The following FAM222B variants were observed in gnomAD, a reference collection of about 807,000 sequenced individuals.
The protein encoded by FAM222B is family with sequence similarity 222 member B.
In FAM222B, 12 loss-of-function variants were observed where a neutral mutation model predicts 38.0. That is an observed-to-expected ratio of 0.32 (90% CI 0.20 to 0.51). The LOEUF (loss-of-function observed/expected upper bound fraction) is 0.51, where lower values mean the gene tolerates loss of function less well. FAM222B is among the 20% of genes least tolerant of loss of function. The pLI is 0.97. For missense variants in FAM222B, 716 were observed against 754.2 expected (o/e 0.95, Z 0.59); for synonymous variants, 329 against 317.2 (o/e 1.04, Z -0.40).
At chr17:28,776,401 T>TGCCAATATC (rs1053621809) in intron 1 of FAM222B, among the ~76,000 whole-genome samples, 5 of 148,410 alleles carry the variant, frequency 3.4e-5, no homozygotes, top group Non-Finnish European at 7.4e-5. Context: ...AAAAAGTCAT[T>TGCCAATATC]GCCAATATCT....
chr17:28,769,344 A>G (rs2035507116), intron 1 of FAM222B, among the ~76,000 whole-genome samples: 2 of 151,706 alleles, frequency 1.3e-5, no homozygotes, highest in African/African-American at 4.8e-5. Flanking sequence ...ATGCCCGGAT[A>G]ATTTTTTTTT....
At chr17:28,764,511 G>A (rs1003450859) in intron 2 of FAM222B, among the ~76,000 whole-genome samples, 3 of 152,054 alleles carry the variant, frequency 2.0e-5, no homozygotes, top group Admixed American at 1.3e-4. Flanking sequence ...CACTTTGAGA[G>A]GCCGAGGCAG....
In FAM222B at chr17:28,756,281, AG is replaced by A. The variant is rs1307973164; in HGVS notation, c.*1988del. ...GGGCAGTTGGGGGCAGGGGGATCAC[AG>A]TACATTTTCCATGCAGACTAAGGGT... On this transcript the variant is annotated 3_prime_UTR_variant, in exon 3 of 3. Coordinates refer to ENST00000581407, the MANE Select transcript of FAM222B (RefSeq NM_001077498.3). 6.5e-6 allele frequency: 1 copy of A among 152,774 alleles called. No homozygotes were observed. The highest frequency in any genetic ancestry group is 1.9e-4 in the East Asian group (1 of 5,192). The allele number at this position is 152,774 out of a possible 1,614,324, so 9.5% of individuals were successfully genotyped here. A position where few individuals can be genotyped will look rare whatever the true frequency, so the allele number is the denominator to read the frequency against.
intron 1 of FAM222B, among the ~76,000 whole-genome samples, chr17:28,831,504 CTTT>C (rs35692613): frequency 1.2e-4 from 13 of 110,842 alleles, no homozygotes; most frequent in Admixed American, 2.0e-4. Context: ...TTGTCAAAGG[CTTT>C]TTTTTTTTTT....
chr17:28,814,093 C>T (rs539308108), intron 1 of FAM222B, among the ~76,000 whole-genome samples: 1 of 151,056 alleles, frequency 6.6e-6, no homozygotes, highest in Non-Finnish European at 1.5e-5. Flanking sequence ...GTAACTCGCA[C>T]GGTAGTCCCA....
chr17:28,777,293 A>G (rs117284065), intron 1 of FAM222B: 2 of 152,214 alleles, frequency 1.3e-5, no homozygotes, highest in Non-Finnish European at 2.9e-5. Context: ...TCTAAACTAT[A>G]CCCTTAGAAC....
intron 1 of FAM222B, among the ~76,000 whole-genome samples, chr17:28,778,691 G>T (rs1355542076): frequency 1.3e-5 from 1 of 78,840 alleles, no homozygotes; most frequent in Non-Finnish European, 2.3e-5. Flanking sequence ...GTGTGTGTGT[G>T]TGTGTGTATA....
At chr17:28,793,505 T>C (rs1285845280) in intron 1 of FAM222B, among the ~76,000 whole-genome samples, 1 of 152,156 alleles carries the variant, frequency 6.6e-6, no homozygotes, top group African/African-American at 2.4e-5. Context: ...GACTTAGCTA[T>C]TCTATAGCAG....
chr17:28,851,521 C>T (rs1042577749), intron 1 of FAM222B, among the ~76,000 whole-genome samples: 29 of 149,922 alleles, frequency 1.9e-4, no homozygotes, highest in African/African-American at 3.7e-4. Flanking sequence ...GAGTCTCAAA[C>T]GAACAAACAA....
chr17:28,852,453 A>T (rs2039189363), intron 1 of FAM222B, among the ~76,000 whole-genome samples: 1 of 152,002 alleles, frequency 6.6e-6, no homozygotes, highest in African/African-American at 2.4e-5. Flanking sequence ...CCTGGAATAC[A>T]TGGTGAAACC....
chr17:28,768,755 G>C (rs2151792056), intron 1 of FAM222B, among the ~76,000 whole-genome samples: 1 of 146,542 alleles, frequency 6.8e-6, no homozygotes, highest in East Asian at 2.1e-4. Context: ...AGAACTGCTT[G>C]AACCCAGAAG....
rs1485571980 is a variant in FAM222B, at chr17:28,813,027, GGGGGGGGGGGGGGGA to G, written c.-41+29640_-41+29654del. 1.5e-3 allele frequency among the ~76,000 whole-genome samples: 97 copies of G among 65,736 alleles called. 14 individuals are homozygous for G. Among genetic ancestry groups the G allele is most frequent in the South Asian group, 6.8e-3 (7 of 1,034 alleles). 43.1% of individuals were successfully genotyped at this position (65,736 alleles called of 152,430 possible). A position where few individuals can be genotyped will look rare whatever the true frequency, so the allele number is the denominator to read the frequency against. On this transcript the variant is annotated intron_variant, in intron 1 of 2. Coordinates refer to ENST00000581407, the MANE Select transcript of FAM222B (RefSeq NM_001077498.3). ...CCCGTGACGCAGAAATTAAGCGGGGGGGGGGGGGGGGGGGAGGGGGGGGCGTTGGAGGCATGTTGG... is the reference window on the plus strand; with the variant it reads ...CCCGTGACGCAGAAATTAAGCGGGGGGGGGGGGGCGTTGGAGGCATGTTGG...
At chr17:28,768,561 G>C (rs1384447043) in intron 1 of FAM222B, among the ~76,000 whole-genome samples, 1 of 152,072 alleles carries the variant, frequency 6.6e-6, no homozygotes, top group Admixed American at 6.6e-5. Flanking sequence ...TCTTGGCCGG[G>C]CACGGTGGCT....
intron 2 of FAM222B, among the ~76,000 whole-genome samples, chr17:28,765,541 A>G (rs1447922219): frequency 2.6e-5 from 4 of 152,166 alleles, no homozygotes; most frequent in African/African-American, 7.2e-5. Flanking sequence ...AGCCACCTCA[A>G]TGATTTCCCC....
chr17:28,769,432 C>CGG (rs1417900777), intron 1 of FAM222B, among the ~76,000 whole-genome samples: 1 of 151,504 alleles, frequency 6.6e-6, no homozygotes, highest in Non-Finnish European at 1.5e-5. Flanking sequence ...CCGCCCGCCT[C>CGG]GGCCTCCCAA....
chr17:28,822,846 T>TACAC (rs1260953917), intron 1 of FAM222B, among the ~76,000 whole-genome samples: 1 of 87,008 alleles, frequency 1.1e-5, no homozygotes, highest in African/African-American at 5.4e-5. Context: ...TATATATATA[T>TACAC]ATATATATAT....
At chr17:28,833,612 CAAAAA>C (rs370065990) in intron 1 of FAM222B, among the ~76,000 whole-genome samples, 2 of 73,206 alleles carry the variant, frequency 2.7e-5, no homozygotes, top group Admixed American at 1.5e-4. Flanking sequence ...GACTTTGTCT[CAAAAA>C]AAAAAAAAAA....
intron 1 of FAM222B, among the ~76,000 whole-genome samples, chr17:28,801,581 C>T (rs1244979199): frequency 6.6e-6 from 1 of 152,014 alleles, no homozygotes. Context: ...TGGTGGCTCA[C>T]GCCTGTAATC....
chr17:28,820,044 C>T (rs910863936), intron 1 of FAM222B, among the ~76,000 whole-genome samples: 2 of 152,182 alleles, frequency 1.3e-5, no homozygotes, highest in African/African-American at 4.8e-5. Context: ...GTCCAACCTG[C>T]ATAAAGCTAA....
Sources: allele counts gnomAD v4.1 joint callset (sites outside exome capture counted in the v4.1 genomes callset), GRCh38; gene constraint gnomAD v4.1.1; transcripts MANE v1.5; gene names NCBI Gene and HGNC (gene_info 2026-07-23, HGNC 2026-07-21).